The following UGT1A6 variants were observed in gnomAD, a reference collection of about 807,000 sequenced individuals.
UGT1A6 encodes the protein UDP-glucuronosyltransferase 1A6.
Under a neutral mutation model 44.4 loss-of-function variants are expected in UGT1A6, and 32 were observed. The observed-to-expected ratio is 0.72, with a 90% confidence interval of 0.54 to 0.97. The LOEUF is 0.97. Among genes scored for constraint, UGT1A6 ranks in the 50% least tolerant of loss-of-function variants. The pLI is 0.00. For synonymous variants in UGT1A6, 238 were observed against 248.5 expected, an observed-to-expected ratio of 0.96 and a Z score of 0.40; for missense variants, 685 against 661.9, an observed-to-expected ratio of 1.03 and a Z score of -0.38.
intron 1 of UGT1A6, among the ~76,000 whole-genome samples, chr2:233,758,085 A>G (rs1336263007): frequency 6.6e-6 from 1 of 152,196 alleles, no homozygotes; most frequent in African/African-American, 2.4e-5. Flanking sequence ...AGTTCCTAGC[A>G]TAGTGACTGC....
chr2:233,745,551 C>G (rs548824716), intron 1 of UGT1A6, among the ~76,000 whole-genome samples: 2 of 151,716 alleles, frequency 1.3e-5, no homozygotes, highest in Admixed American at 6.5e-5. Context: ...GAACAAACTT[C>G]TAAGTTTATA....
chr2:233,748,656 G>A (rs1055285615), intron 1 of UGT1A6, among the ~76,000 whole-genome samples: 3 of 151,770 alleles, frequency 2.0e-5, no homozygotes, highest in African/African-American at 4.9e-5. Context: ...ACTGAGTTCA[G>A]TTTCCAGAGA....
rs573003953 is a variant in UGT1A6 at position 233,701,574 on chromosome 2, A to C, written c.861+7709A>C. Among the ~76,000 whole-genome samples the C allele has an allele frequency of 5.6e-3, 856 of 152,260 alleles. 10 individuals carry two copies. The highest frequency in any genetic ancestry group is 0.02 in the African/African-American group (822 of 41,528). On this transcript the variant is annotated intron_variant, in intron 1 of 4. Coordinates refer to ENST00000305139, the MANE Select transcript of UGT1A6 (RefSeq NM_001072.4). ...CAGCACCACACCACACCTACTCCAA[A>C]ATTGACCACATAGTTGGAAGTAAAG... is the stretch of plus-strand genomic sequence containing the variant.
At chr2:233,698,869 C>T (rs746401126) in intron 1 of UGT1A6, among the ~76,000 whole-genome samples, 4 of 152,218 alleles carry the variant, frequency 2.6e-5, no homozygotes, top group Admixed American at 1.3e-4. Context: ...TGTGACTTTG[C>T]GACTTTGACC....
At chr2:233,724,484 G>T (rs1426827388) in intron 1 of UGT1A6, among the ~76,000 whole-genome samples, 3 of 77,008 alleles carry the variant, frequency 3.9e-5, no homozygotes, top group Admixed American at 1.3e-4. Flanking sequence ...CTTCTCAGAC[G>T]GGGCGGCCGG....
At chr2:233,713,223 A>T (rs72551334) in intron 1 of UGT1A6, 2 of 1,614,132 alleles carry the variant, frequency 1.2e-6, no homozygotes, top group African/African-American at 2.7e-5. Flanking sequence ...TTTCACCCTG[A>T]CAACGTATGC....
chr2:233,722,990 G>A (rs976354785), intron 1 of UGT1A6, among the ~76,000 whole-genome samples: 13 of 147,090 alleles, frequency 8.8e-5, no homozygotes, highest in African/African-American at 3.0e-4. Flanking sequence ...CTGTCTCAGC[G>A]TGGCAGAGGC....
Position 233,693,835 on chromosome 2 carries a change from C to A in UGT1A6, c.831C>A (p.Ile277=), listed in dbSNP as rs764583792. 2 of 1,614,056 alleles carry A rather than the reference C, an allele frequency of 1.2e-6. No homozygotes were observed. Among genetic ancestry groups the A allele is most frequent in the Non-Finnish European group, 1.7e-6 (2 of 1,180,044 alleles). ...VMPNMVFIGG[I]NCKKRKDLSQ... ...CCAACATGGTCTTCATTGGAGGTATCAACTGTAAGAAGAGGAAAGACTTGT... is the reference window on the plus strand; with the variant it reads ...CCAACATGGTCTTCATTGGAGGTATAAACTGTAAGAAGAGGAAAGACTTGT... The change falls in exon 1 of 5, where the codon ATC becomes ATA. Residue 277 remains isoleucine, a synonymous_variant. Coordinates refer to ENST00000305139, the MANE Select transcript of UGT1A6 (RefSeq NM_001072.4).
At chr2:233,747,348 G>C in intron 1 of UGT1A6, 1 of 1,603,426 alleles carries the variant, frequency 6.2e-7, no homozygotes, top group Admixed American at 1.7e-5. Flanking sequence ...TCGCATGCGG[G>C]AGGCCGTGCG....
At chr2:233,742,015 A>G (rs1575645503) in intron 1 of UGT1A6, 3 of 151,866 alleles carry the variant, frequency 2.0e-5, no homozygotes, top group African/African-American at 4.9e-5. Context: ...GCTTTCATCA[A>G]CCTAATTTGA....
intron 1 of UGT1A6, chr2:233,743,508 C>T (rs750114193): frequency 5.1e-6 from 7 of 1,367,284 alleles, no homozygotes; most frequent in East Asian, 9.1e-5. Context: ...GGGGTGCAGA[C>T]GCTCTGCTTC....
intron 1 of UGT1A6, chr2:233,761,099 A>G: frequency 5.0e-6 from 8 of 1,614,170 alleles, no homozygotes; most frequent in African/African-American, 1.3e-5. Context: ...ATCATGCCCA[A>G]TATGGTTTTT....
At chr2:233,747,498 C>T in intron 1 of UGT1A6, 3 of 1,608,498 alleles carry the variant, frequency 1.9e-6, no homozygotes, top group East Asian at 4.5e-5. Flanking sequence ...TGTGCTGGGC[C>T]ACACTCAACT....
At chr2:233,732,949 A>G (rs1182362779) in intron 1 of UGT1A6, among the ~76,000 whole-genome samples, 5 of 152,116 alleles carry the variant, frequency 3.3e-5, no homozygotes, top group African/African-American at 1.2e-4. Flanking sequence ...TGAGCATGGA[A>G]TGTTCTTCCA....
chr2:233,715,021 C>T (rs12477216), intron 1 of UGT1A6, among the ~76,000 whole-genome samples: 15,421 of 152,076 alleles, frequency 0.1, 899 homozygotes, highest in East Asian at 0.2. Context: ...GAACTACAGG[C>T]GCATGGCACC....
intron 4 of UGT1A6, chr2:233,771,337 C>A (rs949199935): frequency 6.6e-6 from 1 of 152,084 alleles, no homozygotes; most frequent in Non-Finnish European, 1.5e-5. Flanking sequence ...CCTCTTCATT[C>A]CTGTAGCACC....
rs145504500 is a variant in UGT1A6, at chr2:233,698,674, T to G, written c.861+4809T>G. Among the ~76,000 whole-genome samples the G allele has an allele frequency of 3.6e-3, 549 of 152,314 alleles. 4 individuals carry two copies. Among genetic ancestry groups the G allele is most frequent in the African/African-American group, 0.013 (526 of 41,574 alleles). The stretch of plus-strand genomic sequence containing the variant: ...TTATAGGTAACTATTGGCCCAACTA[T>G]AAAACAAATACATTTCTAAAAAAAA... On this transcript the variant is annotated intron_variant, in intron 1 of 4. Coordinates refer to ENST00000305139, the MANE Select transcript of UGT1A6 (RefSeq NM_001072.4).
At chr2:233,724,287 G>A (rs1285366990) in intron 1 of UGT1A6, among the ~76,000 whole-genome samples, 2 of 143,496 alleles carry the variant, frequency 1.4e-5, no homozygotes, top group Admixed American at 1.4e-4. Flanking sequence ...CGGGCGGGGG[G>A]CTGACCCCCC....
intron 3 of UGT1A6, 44 bp from the exon 4 acceptor site, chr2:233,768,176 C>A: frequency 6.2e-7 from 1 of 1,613,910 alleles, no homozygotes; most frequent in South Asian, 1.1e-5. Context: ...AGCTGTGAAA[C>A]TCAGAGATGT....
Sources: allele counts gnomAD v4.1 joint callset (sites outside exome capture counted in the v4.1 genomes callset), GRCh38; gene constraint gnomAD v4.1.1; transcripts MANE v1.5; gene names NCBI Gene and HGNC (gene_info 2026-07-23, HGNC 2026-07-21).